Variants in SLC24A3 observed in about 807,000 individuals in gnomAD.
SLC24A3 encodes solute carrier family 24 member 3.
Under a neutral mutation model 75.8 loss-of-function variants are expected in SLC24A3, and 28 were observed. That is an observed-to-expected ratio of 0.37 (90% CI 0.27 to 0.51). The LOEUF is 0.51. Among genes scored for constraint, SLC24A3 ranks in the 20% least tolerant of loss-of-function variants. SLC24A3 has a pLI of 0.94. For missense variants in SLC24A3, 663 were observed against 847.8 expected (o/e 0.78, Z 2.71); for synonymous variants, 372 against 334.1 (o/e 1.11, Z -1.24).
chr20:19,532,016 A>G (rs1052714544), intron 3 of SLC24A3, among the ~76,000 whole-genome samples: 1 of 152,202 alleles, frequency 6.6e-6, no homozygotes, highest in African/African-American at 2.4e-5. Context: ...GAATGGTGGA[A>G]CTGGGGGTTG....
intron 1 of SLC24A3, among the ~76,000 whole-genome samples, chr20:19,224,907 T>C (rs1026658531): frequency 6.6e-6 from 1 of 152,362 alleles, no homozygotes; most frequent in South Asian, 2.1e-4. Flanking sequence ...TCTTCTGAAA[T>C]GCTGGAATCT....
chr20:19,413,031 A>G (rs1986772796), intron 2 of SLC24A3, among the ~76,000 whole-genome samples: 1 of 152,100 alleles, frequency 6.6e-6, no homozygotes, highest in African/African-American at 2.4e-5. Context: ...TGAATGCTCT[A>G]ATTGGAGATT....
rs576812653 is a variant in SLC24A3, at chr20:19,599,060, G to A, written c.612+13516G>A. On this transcript the variant is annotated intron_variant, in intron 6 of 16. Coordinates refer to ENST00000328041, the MANE Select transcript of SLC24A3 (RefSeq NM_020689.4). ...ACATGCATGAACTCGTTTAATCTTT[G>A]TATCAACCCCATGGTGTCGGTTCTT... is the stretch of plus-strand genomic sequence containing the variant. Among the ~76,000 whole-genome samples, 79 of 152,094 alleles carry A rather than the reference G, an allele frequency of 5.2e-4. 1 individual carries two copies. The highest frequency in any genetic ancestry group is 8.1e-4 in the Non-Finnish European group (55 of 68,016).
chr20:19,320,288 G>T (rs1003750725), intron 2 of SLC24A3, among the ~76,000 whole-genome samples: 4 of 152,114 alleles, frequency 2.6e-5, no homozygotes, highest in African/African-American at 9.7e-5. Context: ...ACATCATAAA[G>T]GTCGAGTTAT....
chr20:19,290,166 C>T (rs1007564288), intron 2 of SLC24A3, among the ~76,000 whole-genome samples: 1 of 152,144 alleles, frequency 6.6e-6, no homozygotes, highest in Non-Finnish European at 1.5e-5. Flanking sequence ...TTGTAACAAG[C>T]CCTCCAGGGG....
intron 1 of SLC24A3, chr20:19,213,351 C>G (rs1981461514): frequency 6.3e-6 from 1 of 157,930 alleles, no homozygotes; most frequent in Non-Finnish European, 1.4e-5. Context: ...GACCCGGCAC[C>G]TGTGCAGGTG....
At chr20:19,512,074 G>A (rs914745834) in intron 2 of SLC24A3, among the ~76,000 whole-genome samples, 1 of 152,206 alleles carries the variant, frequency 6.6e-6, no homozygotes, top group African/African-American at 2.4e-5. Flanking sequence ...TGCCAGATTG[G>A]AGGCTCTCAT....
chr20:19,577,369 T>C (rs1184587490), intron 3 of SLC24A3, among the ~76,000 whole-genome samples: 1 of 152,198 alleles, frequency 6.6e-6, no homozygotes, highest in African/African-American at 2.4e-5. Context: ...ACATTTTTAA[T>C]AAAAAGCCCA....
At chr20:19,266,674 T>A (rs1983176802) in intron 1 of SLC24A3, among the ~76,000 whole-genome samples, 1 of 152,146 alleles carries the variant, frequency 6.6e-6, no homozygotes, top group Non-Finnish European at 1.5e-5. Context: ...AAGTGAGTTT[T>A]AAAGAGAACT....
intron 3 of SLC24A3, among the ~76,000 whole-genome samples, chr20:19,565,211 A>G (rs1226194066): frequency 1.3e-5 from 2 of 152,192 alleles, no homozygotes; most frequent in Non-Finnish European, 2.9e-5. Context: ...CCGCTTACAT[A>G]TGTAGAAGAT....
At chr20:19,417,356 T>C (rs1986844483) in intron 2 of SLC24A3, among the ~76,000 whole-genome samples, 1 of 152,066 alleles carries the variant, frequency 6.6e-6, no homozygotes, top group African/African-American at 2.4e-5. Flanking sequence ...GAAATGATAA[T>C]AACATAAAAA....
chr20:19,685,457 T>A (rs2032665644), intron 12 of SLC24A3, 96 bp downstream of exon 12: 5 of 1,531,466 alleles, frequency 3.3e-6, no homozygotes, highest in Non-Finnish European at 4.4e-6. Flanking sequence ...TTCAATTTTT[T>A]AAAATCTCTG....
intron 2 of SLC24A3, among the ~76,000 whole-genome samples, chr20:19,364,923 A>T (rs556238544): frequency 1.1e-4 from 16 of 152,262 alleles, no homozygotes; most frequent in South Asian, 1.0e-3. Flanking sequence ...AAATGAAAGG[A>T]AGAAAGCCAG....
chr20:19,679,678 AT>A (rs1330708607), intron 9 of SLC24A3, among the ~76,000 whole-genome samples: 1 of 152,232 alleles, frequency 6.6e-6, no homozygotes, highest in Admixed American at 6.5e-5. Context: ...CATACGTAAA[AT>A]TAATACTAAT....
At chr20:19,233,992 C>T (rs1328990438) in intron 1 of SLC24A3, among the ~76,000 whole-genome samples, 1 of 152,202 alleles carries the variant, frequency 6.6e-6, no homozygotes, top group African/African-American at 2.4e-5. Flanking sequence ...CCTTCTAAGG[C>T]TAATTTATAG....
intron 6 of SLC24A3, among the ~76,000 whole-genome samples, chr20:19,646,732 T>C (rs1382806212): frequency 6.6e-6 from 1 of 152,112 alleles, no homozygotes; most frequent in African/African-American, 2.4e-5. Context: ...GACACTAGCC[T>C]TACCTCCAGG....
intron 2 of SLC24A3, among the ~76,000 whole-genome samples, chr20:19,467,136 A>G (rs1409015311): frequency 6.6e-6 from 1 of 152,162 alleles, no homozygotes; most frequent in African/African-American, 2.4e-5. Flanking sequence ...TGGATGGGAA[A>G]AATGGATTGT....
chr20:19,582,191 G>T (rs1174159300), intron 4 of SLC24A3, among the ~76,000 whole-genome samples: 2 of 152,238 alleles, frequency 1.3e-5, no homozygotes, highest in Non-Finnish European at 2.9e-5. Context: ...CAAGATGAGA[G>T]GATCATGACG....
At chr20:19,311,970 A>T (rs1984469307) in intron 2 of SLC24A3, among the ~76,000 whole-genome samples, 1 of 152,080 alleles carries the variant, frequency 6.6e-6, no homozygotes, top group African/African-American at 2.4e-5. Flanking sequence ...GTGGGTCATG[A>T]ATAACTATGA....
Sources: gnomAD v4.1 joint callset for allele counts (sites outside exome capture counted in the v4.1 genomes callset) on GRCh38, gnomAD v4.1.1 for gene constraint, MANE v1.5 for transcripts, NCBI Gene and HGNC (gene_info 2026-07-23, HGNC 2026-07-21) for gene names.